Variants in LTN1 observed in about 807,000 individuals in gnomAD.
LTN1 encodes the protein listerin E3 ubiquitin protein ligase 1, also known as E3 ubiquitin-protein ligase listerin.
A neutral mutation model predicts 201.2 loss-of-function variants in LTN1; 88 were observed. The observed-to-expected ratio is 0.44, with a 90% confidence interval of 0.37 to 0.52. LTN1 has a LOEUF of 0.52. LTN1 is among the 20% of genes least tolerant of loss of function. The pLI is 0.00. For synonymous variants in LTN1, 645 were observed against 713.5 expected, an observed-to-expected ratio of 0.90 and a Z score of 1.53; for missense variants, 1,752 against 2,038.7, an observed-to-expected ratio of 0.86 and a Z score of 2.71.
intron 27 of LTN1, among the ~76,000 whole-genome samples, chr21:28,934,398 G>A (rs1193778014): frequency 2.0e-5 from 3 of 152,152 alleles, no homozygotes; most frequent in African/African-American, 7.2e-5. Flanking sequence ...AGTGGGGCCT[G>A]GTGGGAAGTG....
chr21:28,969,916 T>C (rs558782792), intron 8 of LTN1, among the ~76,000 whole-genome samples: 98 of 152,278 alleles, frequency 6.4e-4, no homozygotes, highest in African/African-American at 2.3e-3. Flanking sequence ...ACTCCTGGCC[T>C]CAAGCAATCC....
chr21:28,935,293 G>A lies in LTN1; in HGVS notation c.4691C>T (p.Ala1564Val). Residue 1564 changes from alanine (A) to valine (V), a missense_variant, in exon 27 of 30, where the codon GCT (alanine) becomes GTT (valine). Coordinates refer to ENST00000361371, the MANE Select transcript of LTN1 (RefSeq NM_015565.3). ...TAATGTCATATGATAGACTGAACAA[G>A]CCAAGTGTGGAATGTGGTATGGAAG... Reference protein sequence around the residue: ...TMLPYHIPHLACSVYHMTLKD... With the variant: ...TMLPYHIPHLVCSVYHMTLKD... The A allele has an allele frequency of 6.2e-7, 1 of 1,613,936 alleles. No homozygotes were observed. The highest frequency in any genetic ancestry group is 8.5e-7 in the Non-Finnish European group (1 of 1,179,880).
At position 28,940,688 on chromosome 21, in the gene LTN1, T is replaced by C. The variant is rs148376187; in HGVS notation, c.4482+532A>G. Among the ~76,000 whole-genome samples, 588 of 152,318 alleles carry C rather than the reference T, an allele frequency of 3.9e-3. 10 individuals carry two copies. Among genetic ancestry groups the C allele is most frequent in the Non-Finnish European group, 3.5e-3 (241 of 68,022 alleles). ...AAAGAACCTGGTGACTACATTCAGT[T>C]AGAAAAAAGTTGATCTGGCCACCTA... On this transcript the variant is annotated intron_variant, in intron 25 of 29. Transcript: ENST00000361371.
Position 28,992,860 on chromosome 21 carries a change from A to T in LTN1, c.-55T>A. 1 of 1,613,892 alleles carries T rather than the reference A, an allele frequency of 6.2e-7. No homozygotes were observed. The highest frequency in any genetic ancestry group is 8.5e-7 in the Non-Finnish European group (1 of 1,179,928). ...TCAGACCCCGGTTGACACGTCCGGG[A>T]CACAACTTCCGGCTTCTGGCGGCGG... On this transcript the variant is annotated 5_prime_UTR_variant, in exon 1 of 30. Coordinates refer to ENST00000361371, the MANE Select transcript of LTN1 (RefSeq NM_015565.3).
At chr21:28,976,174 T>C (rs553187076) in intron 6 of LTN1, among the ~76,000 whole-genome samples, 4 of 152,264 alleles carry the variant, frequency 2.6e-5, no homozygotes, top group Non-Finnish European at 4.4e-5. Flanking sequence ...TATATATACA[T>C]GTAGACAGGT....
intron 1 of LTN1, among the ~76,000 whole-genome samples, chr21:28,991,242 G>A (rs2084742912): frequency 6.7e-6 from 1 of 149,922 alleles, no homozygotes; most frequent in African/African-American, 2.5e-5. Context: ...AGTGGGCCAT[G>A]ATCATACCAC....
chr21:28,941,582 A>T (rs2084298217), intron 24 of LTN1, among the ~76,000 whole-genome samples, 176 bp from the exon 25 acceptor site: 1 of 152,214 alleles, frequency 6.6e-6, no homozygotes, highest in Non-Finnish European at 1.5e-5. Context: ...ACAGTAAAAT[A>T]AAAAAGACAT....
At chr21:28,948,051 G>T (rs1457319247) in intron 18 of LTN1, among the ~76,000 whole-genome samples, 5 of 150,610 alleles carry the variant, frequency 3.3e-5, no homozygotes, top group Non-Finnish European at 7.4e-5. Flanking sequence ...AATCAGCCGG[G>T]TGTGGTGGCA....
Position 28,981,110 on chromosome 21 carries a change from T to G in LTN1, c.810+9A>C. ...GAGAAATGTCTTAAGATAAAAAAGA[T>G]TAATATACCTGAGGTACACTGTGTT... On this transcript the variant is annotated intron_variant, in intron 6 of 29. Transcript: ENST00000361371. 5 of 1,486,396 alleles carry G rather than the reference T, an allele frequency of 3.4e-6. No individual in the cohort carries two copies. Among genetic ancestry groups the G allele is most frequent in the Non-Finnish European group, 4.5e-6 (5 of 1,113,594 alleles). 92.1% of individuals were successfully genotyped at this position (1,486,396 alleles called of 1,614,324 possible).
chr21:28,943,927 C>G, intron 22 of LTN1, 23 bp from the exon 23 acceptor site: 1 of 1,431,368 alleles, frequency 7.0e-7, no homozygotes, highest in Non-Finnish European at 9.9e-7. Context: ...AGGAAAGAAA[C>G]ATGCACGTCT....
intron 6 of LTN1, among the ~76,000 whole-genome samples, chr21:28,975,766 G>C (rs2084610237): frequency 6.6e-6 from 1 of 152,168 alleles, no homozygotes; most frequent in Non-Finnish European, 1.5e-5. Flanking sequence ...CTCACACATT[G>C]CTGGTAGGAG....
At position 28,992,227 on chromosome 21, in the gene LTN1, CAGTG is replaced by C. The variant is rs2084752293; in HGVS notation, c.42+533_42+536del. On this transcript the variant is annotated intron_variant, in intron 1 of 29. Transcript: ENST00000361371. ...GGTAGTCAAGGCACAGTGAAGAGAT[CAGTG>C]TGGCTGGATGAAGTAAGCCAAGAGG... 2.0e-4 allele frequency among the ~76,000 whole-genome samples: 30 copies of C among 152,146 alleles called. No homozygotes were observed. In the South Asian group the frequency reaches 6.2e-3, roughly 32 times the overall value.
rs775615430 is a variant in LTN1, at chr21:28,984,752, C to T, written c.516G>A (p.Ala172=). ...AAFAAKDAFE[A]AFPPSKQPEA... ...CAGGTTGCTTGCTTGGAGGAAAAGC[C>T]GCTTCAAATGCATCTTTTGCTGCAA... The change falls in exon 4 of 30, where the codon GCG becomes GCA. Residue 172 remains alanine, a synonymous_variant. Transcript: ENST00000361371. 25 of 1,613,970 alleles carry T rather than the reference C, an allele frequency of 1.5e-5. No individual in the cohort carries two copies. The highest frequency in any genetic ancestry group is 1.2e-5 in the Non-Finnish European group (14 of 1,180,008).
At chr21:28,938,197 T>G (rs2084270922) in intron 25 of LTN1, among the ~76,000 whole-genome samples, 2 of 152,142 alleles carry the variant, frequency 1.3e-5, no homozygotes, top group African/African-American at 4.8e-5. Context: ...AAATAAAAAT[T>G]AGATATTATT....
In LTN1 at chr21:28,957,347, C is replaced by T; in HGVS notation, c.2877G>A (p.Gln959=). ...TCCAAAATACCTGCATAGGAAGAGA[C>T]TGCCTCATCTTTTCCCATTCACTGT... The part of the protein sequence containing the change: ...PNDSEWEKMR[Q]SLPMQWLHRP... The change falls in exon 15 of 30, where the codon CAG becomes CAA. Residue 959 remains glutamine, a synonymous_variant. Coordinates refer to ENST00000361371, the MANE Select transcript of LTN1 (RefSeq NM_015565.3). 6.3e-7 allele frequency: 1 copy of T among 1,594,602 alleles called. No homozygotes were observed.
intron 25 of LTN1, among the ~76,000 whole-genome samples, chr21:28,940,425 T>C (rs1352674969): frequency 1.3e-5 from 2 of 152,204 alleles, no homozygotes; most frequent in East Asian, 3.8e-4. Context: ...ATTTCAGATA[T>C]TTTCACCACT....
At chr21:28,992,053 T>C (rs2146323667) in intron 1 of LTN1, among the ~76,000 whole-genome samples, 1 of 152,242 alleles carries the variant, frequency 6.6e-6, no homozygotes, top group Non-Finnish European at 1.5e-5. Context: ...ACCAAGACAA[T>C]AAATGTCATA....
At chr21:28,932,205 C>T (rs540384123) in intron 28 of LTN1, among the ~76,000 whole-genome samples, 1 of 152,162 alleles carries the variant, frequency 6.6e-6, no homozygotes, top group South Asian at 2.1e-4. Flanking sequence ...ACATCCTCTC[C>T]GAAACAATTT....
At chr21:28,950,048 T>G (rs1239850687) in intron 18 of LTN1, among the ~76,000 whole-genome samples, 1 of 152,164 alleles carries the variant, frequency 6.6e-6, no homozygotes, top group African/African-American at 2.4e-5. Flanking sequence ...TTCACTTTTT[T>G]CAAAAATTTC....
Sources: gnomAD v4.1 joint callset for allele counts (sites outside exome capture counted in the v4.1 genomes callset) on GRCh38, gnomAD v4.1.1 for gene constraint, MANE v1.5 for transcripts, NCBI Gene and HGNC (gene_info 2026-07-23, HGNC 2026-07-21) for gene names.